KIAA1549L: variants seen among roughly 807,000 people sequenced by gnomAD.
KIAA1549L encodes UPF0606 protein KIAA1549L.
A neutral mutation model predicts 160.7 loss-of-function variants in KIAA1549L; 88 were observed. That is an observed-to-expected ratio of 0.55 (90% CI 0.46 to 0.65). The LOEUF is 0.65. Among genes scored for constraint, KIAA1549L ranks in the 30% least tolerant of loss-of-function variants. The pLI is 0.00. For synonymous variants in KIAA1549L, 950 were observed against 976.7 expected (o/e 0.97, Z 0.51); for missense variants, 2,258 against 2,437.5 (o/e 0.93, Z 1.55).
chr11:33,483,788 G>A (rs1852462754), intron 1 of KIAA1549L, among the ~76,000 whole-genome samples: 1 of 152,184 alleles, frequency 6.6e-6, no homozygotes, highest in Non-Finnish European at 1.5e-5. Context: ...TGTAAGATGT[G>A]CCTTTTACCT....
At chr11:33,612,756 T>A (rs564084359) in intron 15 of KIAA1549L, among the ~76,000 whole-genome samples, 36 of 152,352 alleles carry the variant, frequency 2.4e-4, no homozygotes, top group Admixed American at 5.9e-4. Context: ...CTCCCTCCTT[T>A]TACCCTACAC....
At chr11:33,480,125 T>G (rs1046222399) in intron 1 of KIAA1549L, among the ~76,000 whole-genome samples, 2 of 152,194 alleles carry the variant, frequency 1.3e-5, no homozygotes, top group African/African-American at 4.8e-5. Context: ...CTCACCCGTT[T>G]AAAGTGTGTA....
At chr11:33,649,343 G>GAAAAAA (rs545884059) in intron 17 of KIAA1549L, among the ~76,000 whole-genome samples, 23 of 102,756 alleles carry the variant, frequency 2.2e-4, no homozygotes, top group African/African-American at 7.8e-4. Flanking sequence ...CTCTACGGGG[G>GAAAAAA]AAAAAAAAAA....
chr11:33,649,570 A>G (rs923849796), intron 17 of KIAA1549L, among the ~76,000 whole-genome samples: 3 of 150,676 alleles, frequency 2.0e-5, no homozygotes, highest in Admixed American at 2.0e-4. Flanking sequence ...AGTTTTGTCC[A>G]TTCTTATCAT....
intron 11 of KIAA1549L, among the ~76,000 whole-genome samples, chr11:33,586,750 T>C (rs1849889990): frequency 6.6e-6 from 1 of 152,134 alleles, no homozygotes; most frequent in Admixed American, 6.5e-5. Flanking sequence ...AGGATACCTA[T>C]AGGATAACTT....
At chr11:33,655,682 G>A (rs940664264) in intron 17 of KIAA1549L, among the ~76,000 whole-genome samples, 3 of 152,112 alleles carry the variant, frequency 2.0e-5, no homozygotes, top group Admixed American at 6.5e-5. Flanking sequence ...GGGGAGTCTG[G>A]GGCTGGATGA....
rs1851164999 is a variant in KIAA1549L, at chr11:33,627,937, C to A, written c.5409+9275C>A. Among the ~76,000 whole-genome samples, 3 of 151,188 alleles carry A rather than the reference C, an allele frequency of 2.0e-5. No homozygotes were observed. In the South Asian group the frequency reaches 6.4e-4, roughly 32 times the overall value. On this transcript the variant is annotated intron_variant, in intron 16 of 20. Coordinates refer to ENST00000658780, the MANE Select transcript of KIAA1549L (RefSeq NM_012194.3). ...TGTGGGCATTTAGTGCTATAAATTT[C>A]CCTCTACACACTGCTTTGAATGCAT...
At chr11:33,511,169 A>G (rs373985922) in intron 1 of KIAA1549L, among the ~76,000 whole-genome samples, 111 of 152,336 alleles carry the variant, frequency 7.3e-4, no homozygotes, top group African/African-American at 2.6e-3. Context: ...TCTCCAGCCA[A>G]GCACAGGCAC....
At chr11:33,477,503 G>GCGCA (rs60112370) in intron 1 of KIAA1549L, among the ~76,000 whole-genome samples, 4,091 of 142,848 alleles carry the variant, frequency 0.029, 89 homozygotes, top group African/African-American at 0.074. Flanking sequence ...CCACGCAGGT[G>GCGCA]CACGCACACA....
intron 16 of KIAA1549L, among the ~76,000 whole-genome samples, chr11:33,629,657 C>A (rs1184659242): frequency 6.6e-6 from 1 of 151,588 alleles, no homozygotes; most frequent in African/African-American, 2.4e-5. Context: ...TTAAGCACTT[C>A]TCTGTATTGA....
intron 12 of KIAA1549L, among the ~76,000 whole-genome samples, chr11:33,597,475 A>C (rs1850232196): frequency 6.6e-6 from 1 of 152,198 alleles, no homozygotes; most frequent in African/African-American, 2.4e-5. Flanking sequence ...GATCAAGTGC[A>C]TTTATTCCAG....
At chr11:33,607,787 A>G (rs1307880947) in intron 14 of KIAA1549L, among the ~76,000 whole-genome samples, 1 of 152,180 alleles carries the variant, frequency 6.6e-6, no homozygotes, top group African/African-American at 2.4e-5. Flanking sequence ...TTATAAAAGC[A>G]TTTTACAAAC....
chr11:33,615,166 A>G (rs1447714002), intron 15 of KIAA1549L, among the ~76,000 whole-genome samples: 1 of 152,156 alleles, frequency 6.6e-6, no homozygotes, highest in Non-Finnish European at 1.5e-5. Flanking sequence ...AAATCATTCT[A>G]GAACCTGCTT....
intron 16 of KIAA1549L, among the ~76,000 whole-genome samples, chr11:33,620,452 C>G (rs1192106761): frequency 6.6e-6 from 1 of 152,124 alleles, no homozygotes. Flanking sequence ...AATTGCTTAC[C>G]TATATCTCCT....
intron 1 of KIAA1549L, among the ~76,000 whole-genome samples, chr11:33,454,174 G>C (rs1457069114): frequency 6.6e-6 from 1 of 152,204 alleles, no homozygotes; most frequent in Non-Finnish European, 1.5e-5. Flanking sequence ...CTGAGCTGAT[G>C]AATTTCAAGA....
In KIAA1549L at chr11:33,512,740, G is replaced by A. The variant is rs1478479765; in HGVS notation, c.239-29062G>A. 4.6e-5 allele frequency among the ~76,000 whole-genome samples: 7 copies of A among 152,088 alleles called. No homozygotes were observed. In the East Asian group the frequency reaches 5.8e-4, roughly 13 times the overall value. On this transcript the variant is annotated intron_variant, in intron 1 of 20. Transcript: ENST00000658780. ...CCGGCCCCTGCTCTAGGTAATATTC[G>A]AAATCCTTTTAGTGCATTATCTCCT...
At chr11:33,521,399 C>A (rs1853490325) in intron 1 of KIAA1549L, among the ~76,000 whole-genome samples, 2 of 152,196 alleles carry the variant, frequency 1.3e-5, no homozygotes, top group African/African-American at 4.8e-5. Flanking sequence ...TCTGTGCCTG[C>A]ATCTGCATCG....
chr11:33,589,237 C>T (rs1340920218), intron 11 of KIAA1549L, among the ~76,000 whole-genome samples: 3 of 152,048 alleles, frequency 2.0e-5, no homozygotes, highest in East Asian at 1.9e-4. Flanking sequence ...GTTAGAATGG[C>T]GATCATTAAA....
intron 1 of KIAA1549L, among the ~76,000 whole-genome samples, chr11:33,540,084 C>T (rs539019397): frequency 2.6e-5 from 4 of 152,282 alleles, no homozygotes; most frequent in Admixed American, 2.0e-4. Context: ...CTCTCTTGGC[C>T]GTGGTCATTC....
Sources: allele counts gnomAD v4.1 joint callset (sites outside exome capture counted in the v4.1 genomes callset), GRCh38; gene constraint gnomAD v4.1.1; transcripts MANE v1.5; gene names NCBI Gene and HGNC (gene_info 2026-07-23, HGNC 2026-07-21).